THAP6: variants seen among roughly 807,000 people sequenced by gnomAD.
The protein encoded by THAP6 is THAP domain containing 6.
THAP6 carries 13 observed loss-of-function variants against 20.0 expected under a neutral mutation model. The observed-to-expected ratio is 0.65, with a 90% confidence interval of 0.42 to 1.03. The LOEUF (loss-of-function observed/expected upper bound fraction) is 1.03, where lower values mean the gene tolerates loss of function less well. THAP6 is among the 50% of genes least tolerant of loss of function. The pLI is 0.00. For synonymous variants in THAP6, 93 were observed against 92.2 expected, an observed-to-expected ratio of 1.01 and a Z score of -0.05; for missense variants, 262 against 261.6, an observed-to-expected ratio of 1.00 and a Z score of -0.01.
chr4:75,544,622 T>C (rs1186547528), intron 3 of THAP6: 1 of 152,090 alleles, frequency 6.6e-6, no homozygotes, highest in African/African-American at 2.4e-5. Flanking sequence ...CCTCCCAAAG[T>C]GCTAGAATTA....
chr4:75,518,448 G>T (rs1278842977), intron 3 of THAP6, among the ~76,000 whole-genome samples: 2 of 152,086 alleles, frequency 1.3e-5, no homozygotes, highest in African/African-American at 4.8e-5. Flanking sequence ...TGCTTTATTG[G>T]GTTTTTTAAA....
intron 2 of THAP6, among the ~76,000 whole-genome samples, chr4:75,540,518 A>C (rs1021446813): frequency 1.3e-5 from 2 of 152,218 alleles, no homozygotes; most frequent in African/African-American, 4.8e-5. Context: ...GTGTCCAATA[A>C]TAAACTTCTC....
At chr4:75,514,281 C>T, upstream of THAP6, 1 of 1,612,362 alleles carries the variant, frequency 6.2e-7, no homozygotes, top group Non-Finnish European at 8.5e-7. Flanking sequence ...GGGCCGTCGC[C>T]GCCATCTCCT....
intron 4 of THAP6, chr4:75,522,463 G>A (rs1330306409): frequency 2.0e-5 from 3 of 151,944 alleles, no homozygotes; most frequent in African/African-American, 7.3e-5. Context: ...TATACTTTTA[G>A]TTATTTTTAA....
At chr4:75,542,578 T>C in intron 3 of THAP6, 1 of 614,898 alleles carries the variant, frequency 1.6e-6, no homozygotes, top group Admixed American at 2.7e-5. Context: ...ATTATTCTCA[T>C]TTTACAGAAG....
chr4:75,521,016 G>A (rs927625861), intron 3 of THAP6, among the ~76,000 whole-genome samples: 1 of 152,034 alleles, frequency 6.6e-6, no homozygotes, highest in African/African-American at 2.4e-5. Context: ...ATTGAGGATA[G>A]GAATCATTTA....
chr4:75,522,099 C>T (rs1726072157), intron 4 of THAP6: 2 of 450,018 alleles, frequency 4.4e-6, no homozygotes, highest in Admixed American at 3.8e-5. Context: ...GATATTTCTA[C>T]CAAGGAAATA....
At position 75,529,082 on chromosome 4, in the gene THAP6, C is replaced by A; in HGVS notation, c.*1868C>A. The A allele has an allele frequency of 2.1e-6, 2 of 957,486 alleles. No individual in the cohort carries two copies. Among genetic ancestry groups the A allele is most frequent in the Non-Finnish European group, 2.5e-6 (2 of 804,586 alleles). The allele number at this position is 957,486 out of a possible 1,614,324, so 59.3% of individuals were successfully genotyped here. ...AAACAAAACTACTTTCATTAATTAC[C>A]CATTATTTATTTTAGTTACTTAATT... On this transcript the variant is annotated 3_prime_UTR_variant, in exon 5 of 5. Transcript: ENST00000311638.
At chr4:75,524,239 A>T (rs576061462) in intron 4 of THAP6, among the ~76,000 whole-genome samples, 1 of 152,120 alleles carries the variant, frequency 6.6e-6, no homozygotes, top group African/African-American at 2.4e-5. Flanking sequence ...TTCCTTTCTC[A>T]ATCTTTGTGC....
Position 75,517,347 on chromosome 4 carries a change from C to G in THAP6, c.288+368C>G, listed in dbSNP as rs561002478. Reference sequence around the variant, plus strand: ...CACTTTTTATGATACTATTGAAGAACCTTCACCACTCTTGCTAACATTTTT... The same window carrying G: ...CACTTTTTATGATACTATTGAAGAAGCTTCACCACTCTTGCTAACATTTTT... On this transcript the variant is annotated intron_variant, in intron 3 of 4. Transcript: ENST00000311638. 8.2e-4 allele frequency: 137 copies of G among 167,996 alleles called. 1 individual carries two copies. The highest frequency in any genetic ancestry group is 1.6e-3 in the Non-Finnish European group (123 of 77,314). 10.4% of individuals were successfully genotyped at this position (167,996 alleles called of 1,614,324 possible). A position where few individuals can be genotyped will look rare whatever the true frequency, so the allele number is the denominator to read the frequency against.
chr4:75,535,928 T>C (rs1726839855), intron 2 of THAP6, among the ~76,000 whole-genome samples: 2 of 152,178 alleles, frequency 1.3e-5, no homozygotes, highest in Non-Finnish European at 2.9e-5. Context: ...TAGCTCCACT[T>C]CTATTGATTG....
At chr4:75,535,303 C>A (rs1305708891) in intron 2 of THAP6, among the ~76,000 whole-genome samples, 2 of 152,228 alleles carry the variant, frequency 1.3e-5, no homozygotes, top group Admixed American at 1.3e-4. Context: ...CCTTTATACA[C>A]TTGTATCACC....
chr4:75,531,821 C>A (rs999441765), downstream of THAP6, among the ~76,000 whole-genome samples: 1 of 150,844 alleles, frequency 6.6e-6, no homozygotes, highest in East Asian at 1.9e-4. Context: ...TCTCATGAGA[C>A]CCATTCACTA....
rs1726506974 is a variant in THAP6, at chr4:75,528,364, C to G, written c.*1150C>G. ...CAACTGAAATTGAGAGTCATAAATA[C>G]TGTGGGTTAGAATAAAAACCATTTG... On this transcript the variant is annotated 3_prime_UTR_variant, in exon 5 of 5. Transcript: ENST00000311638. 2 of 985,370 alleles carry G rather than the reference C, an allele frequency of 2.0e-6. No homozygotes were observed. The highest frequency in any genetic ancestry group is 4.7e-5 in the South Asian group (1 of 21,288). The allele number at this position is 985,370 out of a possible 1,614,324, so 61.0% of individuals were successfully genotyped here. A position where few individuals can be genotyped will look rare whatever the true frequency, so the allele number is the denominator to read the frequency against.
chr4:75,532,681 G>T (rs531688380), downstream of THAP6, among the ~76,000 whole-genome samples: 1 of 152,200 alleles, frequency 6.6e-6, no homozygotes, highest in Non-Finnish European at 1.5e-5. Flanking sequence ...AAATTTAGGC[G>T]GAGATGCCCA....
At chr4:75,514,167 T>C (rs144594517), upstream of THAP6, 1,074 of 1,591,282 alleles carry the variant, frequency 6.7e-4, 7 homozygotes, top group Middle Eastern at 6.5e-3. Context: ...GACGGAAGCT[T>C]GTCAGGGAAG....
intron 3 of THAP6, chr4:75,543,191 C>G (rs1727052576): frequency 6.6e-6 from 1 of 152,222 alleles, no homozygotes; most frequent in South Asian, 2.1e-4. Context: ...ATGTCTACAT[C>G]TCTAGTCTAT....
intron 4 of THAP6, among the ~76,000 whole-genome samples, chr4:75,523,844 C>T (rs1300844084): frequency 2.0e-5 from 3 of 151,244 alleles, no homozygotes; most frequent in Admixed American, 6.6e-5. Context: ...TAGCCCAGAC[C>T]AATGTCCTGG....
intron 3 of THAP6, among the ~76,000 whole-genome samples, chr4:75,545,862 A>G (rs1023142093): frequency 1.3e-5 from 2 of 152,202 alleles, no homozygotes; most frequent in African/African-American, 4.8e-5. Context: ...CTTGAATGAT[A>G]AAAGAAGCAG....
Sources: gnomAD v4.1 joint callset for allele counts (sites outside exome capture counted in the v4.1 genomes callset) on GRCh38, gnomAD v4.1.1 for gene constraint, MANE v1.5 for transcripts, NCBI Gene and HGNC (gene_info 2026-07-23, HGNC 2026-07-21) for gene names.